Variants in GCNT1 observed in about 807,000 individuals in gnomAD.
The protein encoded by GCNT1 is beta-1,3-galactosyl-O-glycosyl-glycoprotein beta-1,6-N-acetylglucosaminyltransferase.
A neutral mutation model predicts 26.2 loss-of-function variants in GCNT1; 16 were observed. The ratio of observed to expected loss-of-function variants is 0.61; its 90% CI spans 0.41 to 0.93. The LOEUF (loss-of-function observed/expected upper bound fraction) is 0.93. Among genes scored for constraint, GCNT1 ranks in the 40% least tolerant of loss-of-function variants. The pLI, the probability that GCNT1 is intolerant of heterozygous loss-of-function variation, is 0.00. For missense variants in GCNT1, 477 were observed against 526.7 expected (o/e 0.91, Z 0.92); for synonymous variants, 183 against 190.8 (o/e 0.96, Z 0.34).
At chr9:76,402,088 G>A in the GCNT1 span, among the ~76,000 whole-genome samples, 2 of 152,122 alleles carry the variant, frequency 1.3e-5, no homozygotes, top group African/African-American at 2.4e-5. Flanking sequence ...GTCTTCAGTG[G>A]TTAACTTTTG....
At chr9:76,403,444 A>G in the GCNT1 span, among the ~76,000 whole-genome samples, 1 of 152,258 alleles carries the variant, frequency 6.6e-6, no homozygotes, top group Non-Finnish European at 1.5e-5. Context: ...CAAAAGCACT[A>G]CAAGAATTTC....
chr9:76,396,183 T>C, the GCNT1 span, among the ~76,000 whole-genome samples: 1 of 152,208 alleles, frequency 6.6e-6, no homozygotes, highest in African/African-American at 2.4e-5. Context: ...ATTAAATGAA[T>C]CATAGGAGGT....
chr9:76,503,004 C>T lies in GCNT1; in HGVS notation c.623C>T (p.Ala208Val), dbSNP rs760250807. Residue 208 changes from alanine (A) to valine (V), a missense_variant, in exon 4 of 4, where the codon GCA (alanine) becomes GTA (valine). Ala to Val is a moderately conservative substitution (Grantham distance 64). Transcript: ENST00000376730. ...ATGAAGGATCTCTATGCAATGAGTGCAAACTGGAAGTACTTGATAAATCTT... is the reference window on the plus strand; with the variant it reads ...ATGAAGGATCTCTATGCAATGAGTGTAAACTGGAAGTACTTGATAAATCTT... ...NCMKDLYAMS[A>V]NWKYLINLCG... 6.2e-7 allele frequency: 1 copy of T among 1,613,632 alleles called. No homozygotes were observed. The highest frequency in any genetic ancestry group is 8.5e-7 in the Non-Finnish European group (1 of 1,180,012).
At chr9:76,457,342 G>A (rs186710396), upstream of GCNT1, among the ~76,000 whole-genome samples, 258 of 152,292 alleles carry the variant, frequency 1.7e-3, no homozygotes, top group African/African-American at 5.1e-3. Flanking sequence ...TCCACCTCCC[G>A]GGTTCAAGCG....
At chr9:76,439,223 C>CTTTTT (rs71499153), upstream of GCNT1, among the ~76,000 whole-genome samples, 78 of 120,094 alleles carry the variant, frequency 6.5e-4, no homozygotes, top group South Asian at 1.4e-3. Context: ...TTTTCTTTTT[C>CTTTTT]TTTTTTTTTT....
At chr9:76,399,734 G>T in the GCNT1 span, 1 of 593,712 alleles carries the variant, frequency 1.7e-6, no homozygotes, top group Non-Finnish European at 3.0e-6. Context: ...ATGGATGAAT[G>T]GATGTTTTAT....
At chr9:76,428,997 G>A (rs1453312400) in intron 1 of GCNT1, among the ~76,000 whole-genome samples, 1 of 152,102 alleles carries the variant, frequency 6.6e-6, no homozygotes, top group African/African-American at 2.4e-5. Flanking sequence ...ACCACGCCAG[G>A]CCTCTTTTTT....
chr9:76,476,417 T>A (rs1824252616), intron 2 of GCNT1, among the ~76,000 whole-genome samples: 1 of 152,016 alleles, frequency 6.6e-6, no homozygotes, highest in Non-Finnish European at 1.5e-5. Context: ...AACTGCCTAC[T>A]TTTAGATTTG....
At chr9:76,487,524 C>T (rs967843641) in intron 2 of GCNT1, among the ~76,000 whole-genome samples, 5 of 152,204 alleles carry the variant, frequency 3.3e-5, no homozygotes, top group African/African-American at 1.2e-4. Flanking sequence ...CATATGCTTA[C>T]GTGCATATGT....
upstream of GCNT1, chr9:76,419,806 A>C (rs1823165859): frequency 6.6e-6 from 1 of 152,196 alleles, no homozygotes; most frequent in Non-Finnish European, 1.5e-5. Context: ...ACATTTACTA[A>C]ATAAGTTGAG....
chr9:76,479,377 G>A (rs1198458712), intron 2 of GCNT1, among the ~76,000 whole-genome samples: 1 of 152,176 alleles, frequency 6.6e-6, no homozygotes, highest in Non-Finnish European at 1.5e-5. Flanking sequence ...TATATACCCA[G>A]TAATGGGATG....
At chr9:76,419,565 A>G (rs10781360), upstream of GCNT1, among the ~76,000 whole-genome samples, 49,736 of 151,916 alleles carry the variant, frequency 0.33, 8,769 homozygotes, top group Non-Finnish European at 0.39. Flanking sequence ...GGTTGAGGTG[A>G]GAGGATCCCT....
chr9:76,396,384 G>T, the GCNT1 span, among the ~76,000 whole-genome samples: 1 of 151,670 alleles, frequency 6.6e-6, no homozygotes, highest in Non-Finnish European at 1.5e-5. Context: ...GAGCTGAGGA[G>T]TTCAAGACCA....
At chr9:76,441,273 G>A (rs1203292033), upstream of GCNT1, among the ~76,000 whole-genome samples, 2 of 152,044 alleles carry the variant, frequency 1.3e-5, no homozygotes, top group Non-Finnish European at 2.9e-5. Context: ...AGCCTCCAGA[G>A]TAGCTGAGAC....
chr9:76,469,607 G>A (rs1019757169), intron 2 of GCNT1, among the ~76,000 whole-genome samples: 4 of 152,038 alleles, frequency 2.6e-5, no homozygotes, highest in African/African-American at 7.2e-5. Flanking sequence ...TTTGCTTATT[G>A]TCCACCATTG....
At chr9:76,468,821 C>T (rs1054040970) in intron 2 of GCNT1, among the ~76,000 whole-genome samples, 5 of 152,138 alleles carry the variant, frequency 3.3e-5, no homozygotes, top group African/African-American at 1.2e-4. Context: ...GAAATTTCTG[C>T]TACCAAGGGG....
At chr9:76,500,497 TGATCAA>T (rs1825035351) in intron 2 of GCNT1, among the ~76,000 whole-genome samples, 1 of 152,180 alleles carries the variant, frequency 6.6e-6, no homozygotes, top group Admixed American at 6.5e-5. Context: ...AGTGGGGTGG[TGATCAA>T]GATTGTTAGA....
At chr9:76,452,113 C>T (rs1037682885) in intron 1 of GCNT1, among the ~76,000 whole-genome samples, 1 of 151,900 alleles carries the variant, frequency 6.6e-6, no homozygotes, top group Non-Finnish European at 1.5e-5. Context: ...GGATTACAGG[C>T]CCCTGCCACC....
At chr9:76,452,706 C>T (rs867653437) in intron 1 of GCNT1, among the ~76,000 whole-genome samples, 79 of 152,242 alleles carry the variant, frequency 5.2e-4, no homozygotes, top group Admixed American at 2.9e-3. Flanking sequence ...TTAGAAACCG[C>T]CTCCAGGATT....
Sources: allele counts gnomAD v4.1 joint callset (sites outside exome capture counted in the v4.1 genomes callset), GRCh38; gene constraint gnomAD v4.1.1; transcripts MANE v1.5; gene names NCBI Gene and HGNC (gene_info 2026-07-23, HGNC 2026-07-21).